The following GRIN3A variants were observed in gnomAD, a reference collection of about 807,000 sequenced individuals.
The protein encoded by GRIN3A is glutamate ionotropic receptor NMDA type subunit 3A, also known as glutamate receptor ionotropic, NMDA 3A.
In GRIN3A, 47 loss-of-function variants were observed where a neutral mutation model predicts 92.4. That is an observed-to-expected ratio of 0.51 (90% confidence interval 0.40 to 0.65). The LOEUF (loss-of-function observed/expected upper bound fraction) is 0.65, where lower values mean the gene tolerates loss of function less well. Ranked by LOEUF, GRIN3A falls within the 30% of genes least tolerant of loss-of-function variation. GRIN3A has a pLI of 0.00. For missense variants in GRIN3A, 1,324 were observed against 1,393.1 expected, an observed-to-expected ratio of 0.95 and a Z score of 0.79; for synonymous variants, 527 against 540.6, an observed-to-expected ratio of 0.97 and a Z score of 0.35.
Position 101,738,279 on chromosome 9 carries a change from G to T in GRIN3A, c.-300C>A. The T allele has an allele frequency of 2.3e-6, 1 of 443,306 alleles. No homozygotes were observed. Among genetic ancestry groups the T allele is most frequent in the Admixed American group, 4.0e-5 (1 of 25,260 alleles). 27.5% of individuals were successfully genotyped at this position (443,306 alleles called of 1,614,324 possible). A position where few individuals can be genotyped will look rare whatever the true frequency, so the allele number is the denominator to read the frequency against. On this transcript the variant is annotated 5_prime_UTR_variant, in exon 1 of 9. Coordinates refer to ENST00000361820, the MANE Select transcript of GRIN3A (RefSeq NM_133445.3). Reference sequence around the variant, plus strand: ...CCCGCAGCTGGAGCGCCCGTTCCCTGCCCGCCCCATCTGCAGGGCGCCTCG... The same window carrying T: ...CCCGCAGCTGGAGCGCCCGTTCCCTTCCCGCCCCATCTGCAGGGCGCCTCG...
chr9:101,720,931 C>T (rs1830004654), intron 1 of GRIN3A, among the ~76,000 whole-genome samples: 1 of 152,116 alleles, frequency 6.6e-6, no homozygotes, highest in African/African-American at 2.4e-5. Flanking sequence ...ATAATCTGTA[C>T]AACAGACTCC....
chr9:101,594,292 T>G, intron 6 of GRIN3A: 3 of 1,339,360 alleles, frequency 2.2e-6, no homozygotes, highest in South Asian at 1.5e-5. Flanking sequence ...GACATATGGC[T>G]TCACAAAAAG....
intron 1 of GRIN3A, among the ~76,000 whole-genome samples, chr9:101,709,395 G>A (rs954310689): frequency 4.6e-5 from 7 of 152,118 alleles, no homozygotes; most frequent in Non-Finnish European, 1.0e-4. Flanking sequence ...TTCTGCTTAT[G>A]GGACCTTTGG....
intron 6 of GRIN3A, among the ~76,000 whole-genome samples, chr9:101,585,493 A>G (rs1827938826): frequency 6.6e-6 from 1 of 152,194 alleles, no homozygotes; most frequent in Admixed American, 6.5e-5. Flanking sequence ...ACACATTAAA[A>G]GCAAACTCCT....
chr9:101,732,166 T>G (rs1401586311), intron 1 of GRIN3A, among the ~76,000 whole-genome samples: 2 of 152,210 alleles, frequency 1.3e-5, no homozygotes, highest in Admixed American at 6.5e-5. Context: ...AGCTGGTTTG[T>G]AAATTATATA....
At chr9:101,678,836 G>T (rs1009451125) in intron 2 of GRIN3A, among the ~76,000 whole-genome samples, 3 of 152,104 alleles carry the variant, frequency 2.0e-5, no homozygotes, top group African/African-American at 7.2e-5. Context: ...TGGCAAGCTG[G>T]CACTTTTTTC....
chr9:101,613,094 G>A (rs1015654723), intron 6 of GRIN3A, among the ~76,000 whole-genome samples: 4 of 152,146 alleles, frequency 2.6e-5, no homozygotes, highest in Admixed American at 2.6e-4. Context: ...ATTCAGAACA[G>A]CATTTCTTCT....
intron 1 of GRIN3A, among the ~76,000 whole-genome samples, chr9:101,718,767 C>T (rs1564151788): frequency 6.6e-6 from 1 of 152,262 alleles, no homozygotes; most frequent in East Asian, 1.9e-4. Context: ...ACTTTTATAG[C>T]ACCTAGAAAT....
chr9:101,730,726 G>C (rs1214342886), intron 1 of GRIN3A, among the ~76,000 whole-genome samples: 1 of 152,088 alleles, frequency 6.6e-6, no homozygotes, highest in African/African-American at 2.4e-5. Flanking sequence ...AGAGATGAGA[G>C]AGGGCTTTGA....
chr9:101,674,802 T>C (rs960067260), intron 2 of GRIN3A, among the ~76,000 whole-genome samples: 1 of 151,696 alleles, frequency 6.6e-6, no homozygotes, highest in South Asian at 2.1e-4. Context: ...AGGTGGAAAA[T>C]GTAAGAGGAG....
chr9:101,587,823 T>G (rs540270429), intron 6 of GRIN3A, among the ~76,000 whole-genome samples: 37 of 152,320 alleles, frequency 2.4e-4, no homozygotes, highest in African/African-American at 8.4e-4. Context: ...AAAAAGGCTG[T>G]GGTGCTTCTG....
At chr9:101,586,219 T>C (rs1827948381) in intron 6 of GRIN3A, among the ~76,000 whole-genome samples, 1 of 152,210 alleles carries the variant, frequency 6.6e-6, no homozygotes, top group Admixed American at 6.5e-5. Flanking sequence ...TTTATTTCTC[T>C]CTTGACATAG....
chr9:101,633,032 G>A (rs1232440986), intron 3 of GRIN3A, among the ~76,000 whole-genome samples: 1 of 152,048 alleles, frequency 6.6e-6, no homozygotes, highest in Non-Finnish European at 1.5e-5. Flanking sequence ...CAGTATTAAT[G>A]GAATACTGAC....
In GRIN3A at chr9:101,594,514, G is replaced by A. The variant is rs147448696; in HGVS notation, c.2767-15154C>T. 30 of 1,614,144 alleles carry A rather than the reference G, an allele frequency of 1.9e-5. No individual in the cohort carries two copies. In the Middle Eastern group the frequency reaches 9.9e-4, roughly 53 times the overall value. ...CGCCATCCTTGTCCAGGATGATGATGGTTTTGTCGACCAGCTGCTGGAGCT... is the reference window on the plus strand; with the variant it reads ...CGCCATCCTTGTCCAGGATGATGATAGTTTTGTCGACCAGCTGCTGGAGCT... On this transcript the variant is annotated intron_variant, in intron 6 of 8. Transcript: ENST00000361820.
chr9:101,684,302 C>T (rs1326908900), intron 2 of GRIN3A, among the ~76,000 whole-genome samples: 1 of 80,004 alleles, frequency 1.2e-5, no homozygotes, highest in Non-Finnish European at 2.4e-5. Flanking sequence ...TTTGTGCAGA[C>T]GGGGTTTCAC....
chr9:101,578,344 T>C (rs1274817367), intron 7 of GRIN3A, among the ~76,000 whole-genome samples: 1 of 151,746 alleles, frequency 6.6e-6, no homozygotes, highest in Admixed American at 6.6e-5. Flanking sequence ...AAACCAATGA[T>C]AGTAACCTAT....
chr9:101,597,025 T>C (rs1186875874), intron 6 of GRIN3A, among the ~76,000 whole-genome samples: 1 of 152,200 alleles, frequency 6.6e-6, no homozygotes, highest in Non-Finnish European at 1.5e-5. Context: ...GTTGGGCCCA[T>C]TGACCTCTCT....
rs1827765212 is a variant in GRIN3A, at chr9:101,571,897, A to G, written c.*1277T>C. ...TCTCTACTAGATGACTCTTATCTAC[A>G]TTGACATTTGAGAACTGACCCATAT... On this transcript the variant is annotated 3_prime_UTR_variant, in exon 9 of 9. Coordinates refer to ENST00000361820, the MANE Select transcript of GRIN3A (RefSeq NM_133445.3). The G allele has an allele frequency of 6.6e-6, 1 of 152,190 alleles. No homozygotes were observed. Among genetic ancestry groups the G allele is most frequent in the Non-Finnish European group, 1.5e-5 (1 of 68,066 alleles). 9.4% of individuals were successfully genotyped at this position (152,190 alleles called of 1,614,324 possible). A position where few individuals can be genotyped will look rare whatever the true frequency, so the allele number is the denominator to read the frequency against.
rs559197619 is a variant in GRIN3A at position 101,573,656 on chromosome 9, C to G, written c.3009-143G>C. The G allele has an allele frequency of 2.3e-5, 16 of 709,918 alleles. No individual in the cohort carries two copies. In the African/African-American group the frequency reaches 2.6e-4, roughly 12 times the overall value. 44.0% of individuals were successfully genotyped at this position (709,918 alleles called of 1,614,324 possible). On this transcript the variant is annotated intron_variant, in intron 8 of 8. Coordinates refer to ENST00000361820, the MANE Select transcript of GRIN3A (RefSeq NM_133445.3). ...AGTAACAAAGCCATGGACAGACTACCTGCTAGGGTGTCATGGGGCAATAAA... is the reference window on the plus strand; with the variant it reads ...AGTAACAAAGCCATGGACAGACTACGTGCTAGGGTGTCATGGGGCAATAAA...
Sources: gnomAD v4.1 joint callset for allele counts (sites outside exome capture counted in the v4.1 genomes callset) on GRCh38, gnomAD v4.1.1 for gene constraint, MANE v1.5 for transcripts, NCBI Gene and HGNC (gene_info 2026-07-23, HGNC 2026-07-21) for gene names.